UBR2: variants seen among roughly 807,000 people sequenced by gnomAD.
The protein encoded by UBR2 is ubiquitin protein ligase E3 component n-recognin 2, also known as E3 ubiquitin-protein ligase UBR2.
UBR2 carries 92 observed loss-of-function variants against 247.9 expected under a neutral mutation model. The observed-to-expected ratio is 0.37, with a 90% CI of 0.31 to 0.44. The LOEUF (loss-of-function observed/expected upper bound fraction) is 0.44, where lower values mean the gene tolerates loss of function less well. UBR2 is among the 20% of genes least tolerant of loss of function. The pLI, the probability that UBR2 is intolerant of heterozygous loss-of-function variation, is 1.00. For missense variants in UBR2, 1,613 were observed against 2,112.6 expected, an observed-to-expected ratio of 0.76 and a Z score of 4.64; for synonymous variants, 672 against 693.5, an observed-to-expected ratio of 0.97 and a Z score of 0.49.
chr6:42,606,468 C>A, intron 6 of UBR2, 121 bp from the exon 7 acceptor site: 1 of 821,210 alleles, frequency 1.2e-6, no homozygotes, highest in Non-Finnish European at 1.9e-6. Context: ...GTAGGATGAG[C>A]ATTGTAAATA....
chr6:42,619,437 A>AT (rs1426180041), intron 11 of UBR2: 24 of 21,202 alleles, frequency 1.1e-3, no homozygotes, highest in African/African-American at 3.4e-3. Flanking sequence ...ATATATATAT[A>AT]TATATATATA....
chr6:42,653,971 C>T (rs1582654830), intron 25 of UBR2, among the ~76,000 whole-genome samples: 1 of 152,088 alleles, frequency 6.6e-6, no homozygotes, highest in Non-Finnish European at 1.5e-5. Context: ...TAGAGGGAAG[C>T]TTTGTTTTTC....
chr6:42,626,991 G>A (rs1017470406), intron 11 of UBR2, among the ~76,000 whole-genome samples: 1 of 152,132 alleles, frequency 6.6e-6, no homozygotes, highest in Non-Finnish European at 1.5e-5. Context: ...TTATGAAGAC[G>A]AGGGAATTGC....
chr6:42,577,602 A>AT (rs914548625), intron 2 of UBR2, among the ~76,000 whole-genome samples: 5 of 152,202 alleles, frequency 3.3e-5, no homozygotes, highest in Non-Finnish European at 7.3e-5. Context: ...ATATTTTGAC[A>AT]TTTTTTATAA....
At chr6:42,644,990 C>G (rs1266958565) in intron 20 of UBR2, among the ~76,000 whole-genome samples, 2 of 152,048 alleles carry the variant, frequency 1.3e-5, no homozygotes, top group Non-Finnish European at 2.9e-5. Context: ...CCCTTATTAC[C>G]TATATTTTCA....
intron 36 of UBR2, among the ~76,000 whole-genome samples, chr6:42,671,185 CAAA>C (rs67809948): frequency 1.5e-4 from 15 of 100,882 alleles, no homozygotes; most frequent in Admixed American, 1.0e-4. Context: ...AACTCCATCT[CAAA>C]AAAAAAAAAA....
rs760612307 is a variant in UBR2, at chr6:42,688,357, C to A, written c.4995C>A (p.Ser1665=). The change falls in exon 45 of 47, where the codon TCC becomes TCA. Residue 1665 remains serine (S), a synonymous_variant. Coordinates refer to ENST00000372901, the MANE Select transcript of UBR2 (RefSeq NM_001363705.2). ...GAGCCTGCACAGCTCACACCTACTCCTGTGGCTCTGGAGTGGGCATCTTCC... is the reference window on the plus strand; with the variant it reads ...GAGCCTGCACAGCTCACACCTACTCATGTGGCTCTGGAGTGGGCATCTTCC... ...DVGACTAHTY[S]CGSGVGIFLR... is the part of the protein sequence containing the mutation. 3.1e-6 allele frequency: 5 copies of A among 1,613,634 alleles called. No homozygotes were observed. The highest frequency in any genetic ancestry group is 4.2e-6 in the Non-Finnish European group (5 of 1,180,038).
At position 42,670,218 on chromosome 6, in the gene UBR2, C is replaced by T. The variant is rs773525859; in HGVS notation, c.4008C>T (p.Cys1336=). The T allele has an allele frequency of 5.0e-6, 8 of 1,613,874 alleles. No individual in the cohort carries two copies. Among genetic ancestry groups the T allele is most frequent in the African/African-American group, 1.3e-5 (1 of 74,884 alleles). ...PRVPIMCWGS[C]AYTIQSIERI... Reference sequence around the variant, plus strand: ...TTCCCATAATGTGTTGGGGTAGCTGCGCGTACACCATCCAAAGCATAGGTA... The same window carrying T: ...TTCCCATAATGTGTTGGGGTAGCTGTGCGTACACCATCCAAAGCATAGGTA... Residue 1336 remains cysteine (C), a synonymous_variant, in exon 35 of 47, where the codon TGC becomes TGT. Coordinates refer to ENST00000372901, the MANE Select transcript of UBR2 (RefSeq NM_001363705.2).
intron 14 of UBR2, 52 bp from the exon 15 acceptor site, chr6:42,636,959 G>A (rs1796137296): frequency 6.4e-7 from 1 of 1,568,910 alleles, no homozygotes; most frequent in Non-Finnish European, 8.7e-7. Flanking sequence ...CTTATTCAAT[G>A]TTGTAAAAAC....
At position 42,659,552 on chromosome 6, in the gene UBR2, C is replaced by CT. The variant is rs1554260798; in HGVS notation, c.3243-104_3243-103insT. 18 of 792,912 alleles carry CT rather than the reference C, an allele frequency of 2.3e-5. No homozygotes were observed. Among genetic ancestry groups the CT allele is most frequent in the African/African-American group, 3.6e-5 (2 of 55,154 alleles). 49.1% of individuals were successfully genotyped at this position (792,912 alleles called of 1,614,324 possible). A position where few individuals can be genotyped will look rare whatever the true frequency, so the allele number is the denominator to read the frequency against. On this transcript the variant is annotated intron_variant, in intron 29 of 46. Coordinates refer to ENST00000372901, the MANE Select transcript of UBR2 (RefSeq NM_001363705.2). The surrounding 1 kb of genome is among the most constrained non-coding windows in gnomAD (Gnocchi z 4.3). ...ACACACACACACACACACACACACA[C>CT]ACACACACACTACACACACACACAC...
At chr6:42,589,094 T>A (rs1792489504) in intron 2 of UBR2, among the ~76,000 whole-genome samples, 2 of 152,126 alleles carry the variant, frequency 1.3e-5, no homozygotes, top group African/African-American at 4.8e-5. Flanking sequence ...TCCTCCAGCC[T>A]CATAGCTGGT....
At chr6:42,618,803 TG>T (rs1794717879) in intron 11 of UBR2, among the ~76,000 whole-genome samples, 1 of 152,110 alleles carries the variant, frequency 6.6e-6, no homozygotes, top group African/African-American at 2.4e-5. Context: ...TATTTTTAGG[TG>T]GTGAAATCTA....
chr6:42,567,924 G>T (rs1357361984), intron 1 of UBR2, among the ~76,000 whole-genome samples: 4 of 152,072 alleles, frequency 2.6e-5, no homozygotes, highest in Non-Finnish European at 1.5e-5. Flanking sequence ...GCATGAACTT[G>T]CAGTCCTAGC....
At chr6:42,653,173 C>T (rs1051449475) in intron 25 of UBR2, among the ~76,000 whole-genome samples, 27 of 152,140 alleles carry the variant, frequency 1.8e-4, no homozygotes, top group African/African-American at 6.5e-4. Context: ...CAACCTCTGC[C>T]TCCTGGGTTC....
chr6:42,577,805 G>A (rs1241702993), intron 2 of UBR2, among the ~76,000 whole-genome samples: 1 of 151,742 alleles, frequency 6.6e-6, no homozygotes, highest in African/African-American at 2.4e-5. Flanking sequence ...CCAGAAATTG[G>A]CATTGGGGGC....
rs1796699841 is a variant in UBR2 at position 42,645,451 on chromosome 6, T to C, written c.2285-15T>C. 2 of 1,610,382 alleles carry C rather than the reference T, an allele frequency of 1.2e-6. No homozygotes were observed. Among genetic ancestry groups the C allele is most frequent in the Non-Finnish European group, 1.7e-6 (2 of 1,178,216 alleles). On this transcript the variant is annotated splice_polypyrimidine_tract_variant and intron_variant, in intron 20 of 46. Coordinates refer to ENST00000372901, the MANE Select transcript of UBR2 (RefSeq NM_001363705.2). ...ATGTTAAATGTATGTATATGTACTT[T>C]TCCATTTTTGACAGGAGAGAGATTT...
intron 2 of UBR2, among the ~76,000 whole-genome samples, chr6:42,581,255 T>A (rs1791882282): frequency 6.6e-6 from 1 of 151,810 alleles, no homozygotes; most frequent in South Asian, 2.1e-4. Flanking sequence ...AGTGGCATGA[T>A]CTCAGCTCAC....
At chr6:42,587,420 T>A (rs1792363604) in intron 2 of UBR2, among the ~76,000 whole-genome samples, 1 of 152,126 alleles carries the variant, frequency 6.6e-6, no homozygotes, top group African/African-American at 2.4e-5. Context: ...TATAGTGGCA[T>A]AACCACAGCT....
chr6:42,679,827 T>C lies in UBR2; in HGVS notation c.4713T>C (p.Ile1571=). The change falls in exon 42 of 47, where the codon ATT becomes ATC. Residue 1571 remains isoleucine, a synonymous_variant. Transcript: ENST00000372901. ...ATAGTGAGATAATGAATTCACTGAT[T>C]GAAAGGTAATGATTATATACTTTTC... is the stretch of plus-strand genomic sequence containing the variant. ...QENSEIMNSL[I]ESWCRNSEVK... 2 of 1,600,740 alleles carry C rather than the reference T, an allele frequency of 1.2e-6. No individual in the cohort carries two copies. The highest frequency in any genetic ancestry group is 1.1e-5 in the South Asian group (1 of 90,378).
Sources: allele counts gnomAD v4.1 joint callset (sites outside exome capture counted in the v4.1 genomes callset), GRCh38; gene constraint gnomAD v4.1.1; non-coding constraint Gnocchi (gnomAD v3.1); transcripts MANE v1.5; gene names NCBI Gene and HGNC (gene_info 2026-07-23, HGNC 2026-07-21).